EPG5: variants seen among roughly 807,000 people sequenced by gnomAD.
EPG5 encodes the protein ectopic P granules protein 5 homolog.
A neutral mutation model predicts 302.7 loss-of-function variants in EPG5; 159 were observed. The ratio of observed to expected loss-of-function variants is 0.53; its 90% CI spans 0.46 to 0.60. The LOEUF (loss-of-function observed/expected upper bound fraction) is 0.60. Ranked by LOEUF, EPG5 falls within the 20% of genes least tolerant of loss-of-function variation. EPG5 has a pLI of 0.00. For missense variants in EPG5, 2,896 were observed against 3,092.4 expected, an observed-to-expected ratio of 0.94 and a Z score of 1.51; for synonymous variants, 1,158 against 1,136.8, an observed-to-expected ratio of 1.02 and a Z score of -0.37.
intron 32 of EPG5, among the ~76,000 whole-genome samples, 198 bp from the exon 33 acceptor site, chr18:45,879,412 G>C (rs2049043412): frequency 1.3e-5 from 2 of 152,200 alleles, no homozygotes; most frequent in Non-Finnish European, 2.9e-5. Context: ...CTGTCGCCTA[G>C]GCTGGAGTGC....
the EPG5 span, among the ~76,000 whole-genome samples, chr18:45,824,283 T>G: frequency 9.2e-5 from 14 of 152,240 alleles, no homozygotes; most frequent in African/African-American, 3.1e-4. Flanking sequence ...CTTGGCTCAC[T>G]GCAAGCTCCG....
chr18:45,904,243 C>T, intron 24 of EPG5, 126 bp from the exon 25 acceptor site: 3 of 1,044,096 alleles, frequency 2.9e-6, no homozygotes, highest in African/African-American at 1.7e-5. Context: ...AAGTCCTCCA[C>T]CATTAGGATA....
intron 7 of EPG5, among the ~76,000 whole-genome samples, chr18:45,946,081 C>A (rs9948634): frequency 0.34 from 51,829 of 152,104 alleles, 11,592 homozygotes; most frequent in African/African-American, 0.62. Flanking sequence ...GCTTACAAAT[C>A]TAATCACAAT....
At chr18:45,874,403 T>C (rs968526879) in intron 35 of EPG5, among the ~76,000 whole-genome samples, 2 of 151,822 alleles carry the variant, frequency 1.3e-5, no homozygotes, top group Non-Finnish European at 2.9e-5. Flanking sequence ...CTTAACTGTA[T>C]GTATTAGCTC....
chr18:45,948,632 T>C, intron 5 of EPG5, 56 bp from the exon 6 acceptor site: 2 of 1,406,736 alleles, frequency 1.4e-6, no homozygotes, highest in Non-Finnish European at 2.0e-6. Context: ...CAAGTGTCCA[T>C]AATCTTGGTT....
In EPG5 at chr18:45,916,594, A is replaced by G; in HGVS notation, c.3240-12T>C. 6.3e-7 allele frequency: 1 copy of G among 1,586,980 alleles called. No individual in the cohort carries two copies. Among genetic ancestry groups the G allele is most frequent in the Non-Finnish European group, 8.6e-7 (1 of 1,158,168 alleles). On this transcript the variant is annotated splice_polypyrimidine_tract_variant and intron_variant, in intron 17 of 43. Coordinates refer to ENST00000282041, the MANE Select transcript of EPG5 (RefSeq NM_020964.3). ...GATGCGATAAAAACCTGCCAAGCACACAGGAGGACGCACTTTACCTTCCGA... is the reference window on the plus strand; with the variant it reads ...GATGCGATAAAAACCTGCCAAGCACGCAGGAGGACGCACTTTACCTTCCGA...
intron 29 of EPG5, among the ~76,000 whole-genome samples, chr18:45,885,333 C>T (rs1340922577): frequency 2.6e-5 from 4 of 151,636 alleles, no homozygotes; most frequent in Admixed American, 6.6e-5. Flanking sequence ...AGCAAGATGC[C>T]GTCTCAATAA....
chr18:45,953,773 T>G, intron 2 of EPG5: 1 of 985,390 alleles, frequency 1.0e-6, no homozygotes, highest in Non-Finnish European at 1.2e-6. Flanking sequence ...GGCATCATCC[T>G]GGAGCTAGGA....
At chr18:45,868,078 T>A (rs1391957807) in intron 36 of EPG5, 1 of 472,902 alleles carries the variant, frequency 2.1e-6, no homozygotes, top group South Asian at 1.5e-5. Context: ...TGTATCAGAA[T>A]CCTCAGGTGT....
At chr18:45,846,091 G>A (rs966506959), downstream of EPG5, among the ~76,000 whole-genome samples, 4 of 152,140 alleles carry the variant, frequency 2.6e-5, no homozygotes, top group African/African-American at 9.7e-5. Context: ...AGAAGCCTCA[G>A]GCTGGAAGGC....
rs142019219 is a variant in EPG5 at position 45,865,011 on chromosome 18, G to A, written c.6766+604C>T. Among the ~76,000 whole-genome samples, 713 of 152,140 alleles carry A rather than the reference G, an allele frequency of 4.7e-3. 2 individuals are homozygous for A. The highest frequency in any genetic ancestry group is 6.8e-3 in the Non-Finnish European group (459 of 67,994). ...AGGCTCCCATCTTAGGCAGGCCCTGGGCTTTACCACCTCCCCCTAATATCC... is the reference window on the plus strand; with the variant it reads ...AGGCTCCCATCTTAGGCAGGCCCTGAGCTTTACCACCTCCCCCTAATATCC... On this transcript the variant is annotated intron_variant, in intron 39 of 43. Coordinates refer to ENST00000282041, the MANE Select transcript of EPG5 (RefSeq NM_020964.3).
intron 39 of EPG5, 118 bp downstream of exon 39, chr18:45,865,497 T>C (rs2048725027): frequency 2.7e-6 from 3 of 1,129,530 alleles, no homozygotes; most frequent in East Asian, 2.4e-5. Context: ...TCTCTGACCA[T>C]TGCTTCTCTG....
At chr18:45,852,789 T>C in intron 43 of EPG5, 140 bp from the exon 44 acceptor site, 1 of 723,620 alleles carries the variant, frequency 1.4e-6, no homozygotes, top group Non-Finnish European at 2.3e-6. Context: ...AGGCCAGGAG[T>C]CCGGAAGGCA....
chr18:45,832,827 A>AT, the EPG5 span, among the ~76,000 whole-genome samples: 3 of 152,018 alleles, frequency 2.0e-5, no homozygotes, highest in African/African-American at 7.2e-5. Flanking sequence ...AAGCAAGCGC[A>AT]TTTTTTTCCC....
At chr18:45,852,721 C>T (rs926595947) in intron 43 of EPG5, 72 bp from the exon 44 acceptor site, 1 of 1,295,208 alleles carries the variant, frequency 7.7e-7, no homozygotes, top group African/African-American at 1.5e-5. Flanking sequence ...GTACAGCACA[C>T]CCATTATCAC....
intron 15 of EPG5, among the ~76,000 whole-genome samples, chr18:45,922,886 A>G (rs1205407120): frequency 6.6e-6 from 1 of 152,238 alleles, no homozygotes; most frequent in Non-Finnish European, 1.5e-5. Flanking sequence ...TTTAACCATC[A>G]GGACGGAGGT....
chr18:45,954,705 C>T lies in EPG5; in HGVS notation c.697G>A (p.Val233Met), dbSNP rs2050986329. 6.2e-7 allele frequency: 1 copy of T among 1,614,248 alleles called. No individual in the cohort carries two copies. Among genetic ancestry groups the T allele is most frequent in the Non-Finnish European group, 8.5e-7 (1 of 1,180,046 alleles). Residue 233 changes from valine (V) to methionine (M), a missense_variant, in exon 2 of 44, where the codon GTG becomes ATG. Coordinates refer to ENST00000282041, the MANE Select transcript of EPG5 (RefSeq NM_020964.3). ...IAGEAPALVA[V>M]KPLLRSERLY... ...CGCTCACTGCGAAGCAAGGGTTTCA[C>T]TGCCACCAAAGCTGGTGCTTCTCCA...
At chr18:45,856,204 TCAG>T (rs2145177312) in intron 42 of EPG5, among the ~76,000 whole-genome samples, 1 of 152,326 alleles carries the variant, frequency 6.6e-6, no homozygotes, top group African/African-American at 2.4e-5. Flanking sequence ...GGAATATTAT[TCAG>T]CCATAAAAAC....
chr18:45,938,615 A>G (rs111506678), intron 10 of EPG5, among the ~76,000 whole-genome samples: 217 of 152,314 alleles, frequency 1.4e-3, no homozygotes, highest in African/African-American at 5.1e-3. Flanking sequence ...ATGAAACCAC[A>G]CAAGAAAAAC....
Sources: gnomAD v4.1 joint callset for allele counts (sites outside exome capture counted in the v4.1 genomes callset) on GRCh38, gnomAD v4.1.1 for gene constraint, MANE v1.5 for transcripts, NCBI Gene and HGNC (gene_info 2026-07-23, HGNC 2026-07-21) for gene names.